The following SLC4A3 variants were observed in gnomAD, a reference collection of about 807,000 sequenced individuals.
SLC4A3 encodes the protein solute carrier family 4 member 3.
In SLC4A3, 47 loss-of-function variants were observed where a neutral mutation model predicts 114.2. The observed-to-expected ratio is 0.41, with a 90% CI of 0.33 to 0.52. The LOEUF is 0.52. SLC4A3 is among the 20% of genes least tolerant of loss of function. The pLI, the probability that SLC4A3 is intolerant of heterozygous loss-of-function variation, is 0.21. For missense variants in SLC4A3, 1,312 were observed against 1,668.3 expected (o/e 0.79, Z 3.72); for synonymous variants, 693 against 710.3 (o/e 0.98, Z 0.39).
In SLC4A3 at chr2:219,627,992, C is replaced by T. The variant is rs1175961894; in HGVS notation, c.-1C>T. ...GAGCGTCCCCAGCCGCCTACCTGGC[C>T]ATGGCCAACGGAGTGATCCCGCCGC... is the stretch of plus-strand genomic sequence containing the variant. On this transcript the variant is annotated 5_prime_UTR_variant, in exon 2 of 23. Coordinates refer to ENST00000358055, the MANE Select transcript of SLC4A3 (RefSeq NM_005070.4). 1 of 1,600,316 alleles carries T rather than the reference C, an allele frequency of 6.2e-7. No individual in the cohort carries two copies. The highest frequency in any genetic ancestry group is 8.5e-7 in the Non-Finnish European group (1 of 1,174,440).
At chr2:219,632,465 C>T (rs759720382) in intron 8 of SLC4A3, 23 bp downstream of exon 8, 13 of 1,564,590 alleles carry the variant, frequency 8.3e-6, no homozygotes, top group African/African-American at 5.4e-5. Flanking sequence ...AGGCCTGGCC[C>T]GAGGCTGCAA....
At chr2:219,629,724 G>A in intron 5 of SLC4A3, 29 bp downstream of exon 5, 1 of 1,504,176 alleles carries the variant, frequency 6.6e-7, no homozygotes, top group South Asian at 1.2e-5. Context: ...ACTCAGCAGG[G>A]CCCAGCCCAG....
chr2:219,641,151 T>A lies in SLC4A3; in HGVS notation c.3621+189T>A, dbSNP rs191200297. Among the ~76,000 whole-genome samples the A allele has an allele frequency of 6.6e-6, 1 of 152,266 alleles. No individual in the cohort carries two copies. The highest frequency in any genetic ancestry group is 1.5e-5 in the Non-Finnish European group (1 of 68,014). ...GATCATAGACCCTACCTTATAGGAC[T>A]GTTGGGAGGGTCAAGTGCTAGTCCA... On this transcript the variant is annotated intron_variant, in intron 22 of 22. Coordinates refer to ENST00000358055, the MANE Select transcript of SLC4A3 (RefSeq NM_005070.4). The surrounding 1 kb of genome is among the most constrained non-coding windows in gnomAD (Gnocchi z 4.0).
chr2:219,639,531 C>T lies in SLC4A3; in HGVS notation c.3073C>T (p.His1025Tyr). ...GAGGCTGCTCAAGGGCTCCGGTTTC[C>T]ACCTGGACCTGCTCCTCATTGGCTC... ...ARRLLKGSGFHLDLLLIGSLG... is the reference protein window; with the variant it reads ...ARRLLKGSGFYLDLLLIGSLG... The change falls in exon 20 of 23, where the codon CAC (histidine) becomes TAC (tyrosine). Residue 1025 changes from histidine (H) to tyrosine (Y), a missense_variant. Physicochemically the swap from His to Tyr is moderately conservative, Grantham distance 83 (BLOSUM62 2). Around this residue, in one of 4 missense-constraint regions of SLC4A3, gnomAD observed 301 missense variants for 460.7 expected, o/e 0.65. Coordinates refer to ENST00000358055, the MANE Select transcript of SLC4A3 (RefSeq NM_005070.4). This position sits in a 1 kb window ranked among gnomAD's most constrained non-coding sequence, Gnocchi z 5.9. 6.2e-7 allele frequency: 1 copy of T among 1,614,088 alleles called. No individual in the cohort carries two copies. Among genetic ancestry groups the T allele is most frequent in the Non-Finnish European group, 8.5e-7 (1 of 1,180,048 alleles).
chr2:219,633,597 CCCGCA>C, intron 10 of SLC4A3, 140 bp downstream of exon 10: 1 of 846,926 alleles, frequency 1.2e-6, no homozygotes, highest in South Asian at 2.0e-5. Flanking sequence ...CTAGAGGAGA[CCCGCA>C]TGAGGGGTCC....
chr2:219,640,225 GCCCCC>G (rs5838745), intron 20 of SLC4A3, among the ~76,000 whole-genome samples, 200 bp from the exon 21 acceptor site: 1 of 108,264 alleles, frequency 9.2e-6, no homozygotes, highest in Admixed American at 9.4e-5. Flanking sequence ...CAATGTGTCT[GCCCCC>G]CCCCCCGCCC....
Position 219,641,288 on chromosome 2 carries a change from A to G in SLC4A3, c.3621+326A>G, listed in dbSNP as rs1699318450. ...ACCCGGCTGAGAGGCTACAGGGTTG[A>G]TGTGGCACTGGTGTCCACCCTGAGC... is the stretch of plus-strand genomic sequence containing the variant. On this transcript the variant is annotated intron_variant, in intron 22 of 22. Coordinates refer to ENST00000358055, the MANE Select transcript of SLC4A3 (RefSeq NM_005070.4). The surrounding 1 kb of genome is among the most constrained non-coding windows in gnomAD (Gnocchi z 4.0). 6.6e-6 allele frequency among the ~76,000 whole-genome samples: 1 copy of G among 152,162 alleles called. No individual in the cohort carries two copies. Among genetic ancestry groups the G allele is most frequent in the Admixed American group, 6.5e-5 (1 of 15,280 alleles).
chr2:219,633,575 G>T, intron 10 of SLC4A3, 118 bp downstream of exon 10: 1 of 990,156 alleles, frequency 1.0e-6, no homozygotes, highest in Non-Finnish European at 1.4e-6. Context: ...ATCATGCTGG[G>T]CATTCGGGGA....
At position 219,634,444 on chromosome 2, in the gene SLC4A3, C is replaced by T. The variant is rs866914133; in HGVS notation, c.1586C>T (p.Pro529Leu). Reference protein sequence around the residue: ...LVGCVPFLEQPAAAFVRLNEA... With the variant: ...LVGCVPFLEQLAAAFVRLNEA... ...GGTTGTGTGCCTTTCTTGGAGCAGC[C>T]TGCAGCAGCCTTCGTGCGTCTGAAT... The change falls in exon 12 of 23, where the codon CCT becomes CTT. Residue 529 changes from proline to leucine, a missense_variant. Pro to Leu is a moderately conservative substitution (Grantham distance 98). Around this residue, in one of 4 missense-constraint regions of SLC4A3, gnomAD observed 771 missense variants for 977.7 expected, o/e 0.79. Transcript: ENST00000358055. 4 of 1,614,064 alleles carry T rather than the reference C, an allele frequency of 2.5e-6. No individual in the cohort carries two copies. Among genetic ancestry groups the T allele is most frequent in the Non-Finnish European group, 2.5e-6 (3 of 1,180,028 alleles).
Position 219,629,215 on chromosome 2 carries a change from C to T in SLC4A3, c.289C>T (p.Arg97Trp), listed in dbSNP as rs200688220. Residue 97 changes from arginine to tryptophan, a missense_variant, in exon 4 of 23, where the codon CGG becomes TGG. Arg to Trp is a moderately radical substitution (Grantham distance 101, BLOSUM62 -3). Transcript: ENST00000358055. Reference protein sequence around the residue: ...ARLPPPHKLRRLPPTSARHTR... With the variant: ...ARLPPPHKLRWLPPTSARHTR... ...CCTGCCTCCACCCCACAAGCTGCGGCGGCTGCCCCCCACCTCTGCCCGGCA... is the reference window on the plus strand; with the variant it reads ...CCTGCCTCCACCCCACAAGCTGCGGTGGCTGCCCCCCACCTCTGCCCGGCA... The T allele has an allele frequency of 5.3e-5, 86 of 1,612,984 alleles. No homozygotes were observed. Among genetic ancestry groups the T allele is most frequent in the Middle Eastern group, 3.3e-4 (2 of 6,076 alleles).
rs1699230418 is a variant in SLC4A3 at position 219,639,124 on chromosome 2, T to A, written c.3023+255T>A. Among the ~76,000 whole-genome samples the A allele has an allele frequency of 6.6e-6, 1 of 152,090 alleles. No homozygotes were observed. Among genetic ancestry groups the A allele is most frequent in the Non-Finnish European group, 1.5e-5 (1 of 68,014 alleles). ...CCGTGATGGTTTGACATGACATCTA[T>A]CTGTTGCCACCACTCTTTGCAGGGT... On this transcript the variant is annotated intron_variant, in intron 19 of 22. Coordinates refer to ENST00000358055, the MANE Select transcript of SLC4A3 (RefSeq NM_005070.4). This position sits in a 1 kb window ranked among gnomAD's most constrained non-coding sequence, Gnocchi z 5.9.
rs993258075 is a variant in SLC4A3, at chr2:219,638,478, C to T, written c.2856+225C>T. 6.6e-6 allele frequency among the ~76,000 whole-genome samples: 1 copy of T among 152,166 alleles called. No homozygotes were observed. Among genetic ancestry groups the T allele is most frequent in the Non-Finnish European group, 1.5e-5 (1 of 68,014 alleles). On this transcript the variant is annotated intron_variant, in intron 18 of 22. Transcript: ENST00000358055. This position sits in a 1 kb window ranked among gnomAD's most constrained non-coding sequence, Gnocchi z 7.5. ...AGAATGACAGTATCCCACACAGGTC[C>T]CCTGAAGCTCTGGGGCTCAGGGAGG...
rs1216984232 is a variant in SLC4A3, at chr2:219,640,117, AC to A, written c.3278-312del. 4.6e-5 allele frequency among the ~76,000 whole-genome samples: 7 copies of A among 152,066 alleles called. No individual in the cohort carries two copies. In the South Asian group the frequency reaches 1.2e-3, roughly 27 times the overall value. ...CTAATTTTTTGTATTTTTAGTAGAG[AC>A]AGGGGTTTCACCGTGTTAGCCATGA... On this transcript the variant is annotated intron_variant, in intron 20 of 22. Coordinates refer to ENST00000358055, the MANE Select transcript of SLC4A3 (RefSeq NM_005070.4).
chr2:219,635,909 G>A lies in SLC4A3; in HGVS notation c.2191+18G>A. 6.8e-7 allele frequency: 1 copy of A among 1,466,764 alleles called. No homozygotes were observed. The highest frequency in any genetic ancestry group is 1.4e-5 in the South Asian group (1 of 70,318). 90.9% of individuals were successfully genotyped at this position (1,466,764 alleles called of 1,614,324 possible). On this transcript the variant is annotated intron_variant, in intron 14 of 22. Coordinates refer to ENST00000358055, the MANE Select transcript of SLC4A3 (RefSeq NM_005070.4). ...GCTGCTGGGTAAGGGACTGGGGCTTGGGGAGTTGAGGGGCTCCTCTAGTCA... is the reference window on the plus strand; with the variant it reads ...GCTGCTGGGTAAGGGACTGGGGCTTAGGGAGTTGAGGGGCTCCTCTAGTCA...
chr2:219,641,552 T>G lies in SLC4A3; in HGVS notation c.3622-99T>G. On this transcript the variant is annotated intron_variant, in intron 22 of 22. Coordinates refer to ENST00000358055, the MANE Select transcript of SLC4A3 (RefSeq NM_005070.4). The surrounding 1 kb of genome is among the most constrained non-coding windows in gnomAD (Gnocchi z 4.0). ...TACTTGCAGAGAGGCCCAGGAAAGG[T>G]CAGGGAGCAGGGAGGGCTGCAGGTT... The G allele has an allele frequency of 1.0e-6, 1 of 953,196 alleles. No homozygotes were observed. The highest frequency in any genetic ancestry group is 1.7e-6 in the Non-Finnish European group (1 of 599,892). 59.0% of individuals were successfully genotyped at this position (953,196 alleles called of 1,614,324 possible).
chr2:219,628,166 G>A lies in SLC4A3; in HGVS notation c.51+123G>A. Reference sequence around the variant, plus strand: ...CAGATCCAGGGATGAGCTGGGCTGGGGGTTACGGAGAAAGAGGGGGGTTTT... The same window carrying A: ...CAGATCCAGGGATGAGCTGGGCTGGAGGTTACGGAGAAAGAGGGGGGTTTT... On this transcript the variant is annotated intron_variant, in intron 2 of 22. Coordinates refer to ENST00000358055, the MANE Select transcript of SLC4A3 (RefSeq NM_005070.4). The surrounding 1 kb of genome is among the most constrained non-coding windows in gnomAD (Gnocchi z 4.8). 3.4e-6 allele frequency: 3 copies of A among 870,924 alleles called. No homozygotes were observed. Among genetic ancestry groups the A allele is most frequent in the Non-Finnish European group, 5.1e-6 (3 of 583,258 alleles). 53.9% of individuals were successfully genotyped at this position (870,924 alleles called of 1,614,324 possible). A position where few individuals can be genotyped will look rare whatever the true frequency, so the allele number is the denominator to read the frequency against.
In SLC4A3 at chr2:219,629,282, C is replaced by T; in HGVS notation, c.356C>T (p.Pro119Leu). 6.2e-7 allele frequency: 1 copy of T among 1,613,996 alleles called. No homozygotes were observed. Among genetic ancestry groups the T allele is most frequent in the African/African-American group, 1.3e-5 (1 of 75,068 alleles). ...KRKKEKTSAP[P>L]SEGTPPIQEE... ...AAGAAGGAGAAAACCTCTGCTCCTC[C>T]CTCCGAGGGGACCCCTCCCATCCAG... Residue 119 changes from proline (P) to leucine (L), a missense_variant, in exon 4 of 23, where the codon CCC becomes CTC. Transcript: ENST00000358055.
In SLC4A3 at chr2:219,629,389, C is replaced by A. The variant is rs1427737800; in HGVS notation, c.463C>A (p.Pro155Thr). The change falls in exon 4 of 23, where the codon CCC becomes ACC. Residue 155 changes from proline to threonine, a missense_variant. Transcript: ENST00000358055. Reference protein sequence around the residue: ...EGESEAEPVEPPHSGTPQKAK... With the variant: ...EGESEAEPVETPHSGTPQKAK... ...AGAATCTGAGGCAGAACCTGTGGAG[C>A]CCCCCCACTCAGGGACCCCACAGAA... 6.3e-7 allele frequency: 1 copy of A among 1,587,002 alleles called. No individual in the cohort carries two copies. Among genetic ancestry groups the A allele is most frequent in the Admixed American group, 1.8e-5 (1 of 56,952 alleles).
At position 219,631,161 on chromosome 2, in the gene SLC4A3, C is replaced by T. The variant is rs1698904684; in HGVS notation, c.812-807C>T. The T allele has an allele frequency of 1.7e-6, 2 of 1,180,378 alleles. No homozygotes were observed. Among genetic ancestry groups the T allele is most frequent in the East Asian group, 1.2e-4 (2 of 16,396 alleles). 73.1% of individuals were successfully genotyped at this position (1,180,378 alleles called of 1,614,324 possible). A position where few individuals can be genotyped will look rare whatever the true frequency, so the allele number is the denominator to read the frequency against. On this transcript the variant is annotated intron_variant, in intron 6 of 22. Coordinates refer to ENST00000358055, the MANE Select transcript of SLC4A3 (RefSeq NM_005070.4). This position sits in a 1 kb window ranked among gnomAD's most constrained non-coding sequence, Gnocchi z 6.3. ...TCAGCTCTGGTTGGACAGAAGCCACCCCGTCCAGGCTCCCACCTTGTAGGA... is the reference window on the plus strand; with the variant it reads ...TCAGCTCTGGTTGGACAGAAGCCACTCCGTCCAGGCTCCCACCTTGTAGGA...
Sources: allele counts gnomAD v4.1 joint callset (sites outside exome capture counted in the v4.1 genomes callset), GRCh38; gene constraint gnomAD v4.1.1; regional missense constraint gnomAD v4.1.1; non-coding constraint Gnocchi (gnomAD v3.1); transcripts MANE v1.5; gene names NCBI Gene and HGNC (gene_info 2026-07-23, HGNC 2026-07-21).